Variants in CAPN11 observed in about 807,000 individuals in gnomAD.
CAPN11 encodes calpain 11.
CAPN11 carries 108 observed loss-of-function variants against 105.3 expected under a neutral mutation model. That is an observed-to-expected ratio of 1.03 (90% confidence interval 0.88 to 1.20). CAPN11 has a LOEUF of 1.20. Among genes scored for constraint, CAPN11 ranks in the 50% most tolerant of loss-of-function variants. The pLI is 0.00. For missense variants in CAPN11, 883 were observed against 924.8 expected (o/e 0.95, Z 0.59); for synonymous variants, 329 against 344.5 (o/e 0.96, Z 0.50).
intron 19 of CAPN11, 74 bp from the exon 20 acceptor site, chr6:44,182,867 C>A (rs2128319090): frequency 8.7e-7 from 1 of 1,148,128 alleles, no homozygotes; most frequent in East Asian, 2.6e-5. Context: ...AGCCACCGCG[C>A]CCGGCCTCAG....
chr6:44,165,736 T>G (rs1769707467), intron 1 of CAPN11, among the ~76,000 whole-genome samples: 1 of 152,066 alleles, frequency 6.6e-6, no homozygotes. Flanking sequence ...GTCAAAGGGA[T>G]GGGTCTGTAC....
Position 44,172,992 on chromosome 6 carries a change from C to A in CAPN11, c.581C>A (p.Thr194Lys). ...VNVVVDDRLPTKNDKLVFVHS... is the reference protein window; with the variant it reads ...VNVVVDDRLPKKNDKLVFVHS... ...GTGGTGGTAGATGACCGGCTGCCCACAAAGAATGACAAGCTGGTGTTTGTG... is the reference window on the plus strand; with the variant it reads ...GTGGTGGTAGATGACCGGCTGCCCAAAAAGAATGACAAGCTGGTGTTTGTG... Residue 194 changes from threonine to lysine, a missense_variant, in exon 6 of 23, where the codon ACA (threonine) becomes AAA (lysine). Physicochemically the swap from Thr to Lys is moderately conservative, Grantham distance 78 (BLOSUM62 -1). Coordinates refer to ENST00000398776, the MANE Select transcript of CAPN11 (RefSeq NM_007058.4). The A allele has an allele frequency of 6.2e-7, 1 of 1,613,086 alleles. No individual in the cohort carries two copies. Among genetic ancestry groups the A allele is most frequent in the Non-Finnish European group, 8.5e-7 (1 of 1,179,516 alleles).
At chr6:44,160,881 A>T (rs9394988) in intron 1 of CAPN11, among the ~76,000 whole-genome samples, 2 of 151,992 alleles carry the variant, frequency 1.3e-5, no homozygotes, top group African/African-American at 4.8e-5. Context: ...TTTATTACTT[A>T]TTATGGTTAA....
chr6:44,176,202 A>C (rs1014703089), intron 8 of CAPN11, 51 bp downstream of exon 8: 2 of 1,606,600 alleles, frequency 1.2e-6, no homozygotes, highest in African/African-American at 2.7e-5. Context: ...AAGGAGGAGA[A>C]CGTCTCCCTG....
At chr6:44,163,359 A>C (rs1362102096) in intron 1 of CAPN11, among the ~76,000 whole-genome samples, 5 of 152,194 alleles carry the variant, frequency 3.3e-5, no homozygotes, top group African/African-American at 1.2e-4. Flanking sequence ...GACTTCACAA[A>C]GACCACACAC....
At chr6:44,180,413 A>G (rs773837796) in intron 14 of CAPN11, 47 bp from the exon 15 acceptor site, 3 of 1,536,612 alleles carry the variant, frequency 2.0e-6, no homozygotes, top group Non-Finnish European at 1.8e-6. Flanking sequence ...TAAAACCCCC[A>G]CCTCCCTCCC....
intron 4 of CAPN11, 79 bp downstream of exon 4, chr6:44,170,054 G>A: frequency 9.0e-7 from 1 of 1,115,034 alleles, no homozygotes; most frequent in Non-Finnish European, 1.3e-6. Flanking sequence ...TTTGAAGCTG[G>A]GAAACAGGGA....
chr6:44,171,142 G>A (rs1770923612), intron 4 of CAPN11, among the ~76,000 whole-genome samples: 1 of 152,140 alleles, frequency 6.6e-6, no homozygotes, highest in South Asian at 2.1e-4. Context: ...CTCTCTCCAG[G>A]CAGCCAAGAG....
At chr6:44,165,819 A>C (rs1011304655) in intron 1 of CAPN11, among the ~76,000 whole-genome samples, 1 of 152,108 alleles carries the variant, frequency 6.6e-6, no homozygotes, top group Non-Finnish European at 1.5e-5. Flanking sequence ...CGATGTCCTG[A>C]AAGTTTCCAG....
Position 44,180,973 on chromosome 6 carries a change from C to T in CAPN11, c.1845C>T (p.Cys615=), listed in dbSNP as rs1467785935. Residue 615 remains cysteine (C), a synonymous_variant, in exon 18 of 23, where the codon TGC becomes TGT. Coordinates refer to ENST00000398776, the MANE Select transcript of CAPN11 (RefSeq NM_007058.4). Reference sequence around the variant, plus strand: ...CCAAGGGCTTTGGCCTGGATGCTTGCCGCTGCATGATCAACCTCATGGATG... The same window carrying T: ...CCAAGGGCTTTGGCCTGGATGCTTGTCGCTGCATGATCAACCTCATGGATG... ...FKTKGFGLDA[C]RCMINLMDKD... is the part of the protein sequence containing the mutation. 1 of 1,613,510 alleles carries T rather than the reference C, an allele frequency of 6.2e-7. No homozygotes were observed. Among genetic ancestry groups the T allele is most frequent in the Admixed American group, 1.7e-5 (1 of 59,998 alleles).
At position 44,183,700 on chromosome 6, in the gene CAPN11, C is replaced by T. The variant is rs763333079; in HGVS notation, c.2135-5C>T. The T allele has an allele frequency of 4.6e-5, 75 of 1,613,616 alleles. 2 individuals are homozygous for T. In the Admixed American group the frequency reaches 9.0e-4, roughly 19 times the overall value. Reference sequence around the variant, plus strand: ...CCCCTCTCCCCCGCTTCCTCTGTAACGCAGCATTCTTTCTAACCATGGACC... The same window carrying T: ...CCCCTCTCCCCCGCTTCCTCTGTAATGCAGCATTCTTTCTAACCATGGACC... On this transcript the variant is annotated splice_polypyrimidine_tract_variant and splice_region_variant and intron_variant, in intron 21 of 22. Coordinates refer to ENST00000398776, the MANE Select transcript of CAPN11 (RefSeq NM_007058.4).
At chr6:44,180,203 A>G in intron 14 of CAPN11, 40 bp downstream of exon 14, 2 of 1,426,788 alleles carry the variant, frequency 1.4e-6, no homozygotes, top group Non-Finnish European at 2.0e-6. Flanking sequence ...CCCGCCACCC[A>G]AGAGCTGCAG....
At chr6:44,180,558 T>G (rs1772967497) in intron 15 of CAPN11, 39 bp from the exon 16 acceptor site, 1 of 1,613,396 alleles carries the variant, frequency 6.2e-7, no homozygotes, top group Admixed American at 1.7e-5. Flanking sequence ...GTGAAAGAAG[T>G]TTTCTGACCA....
chr6:44,169,162 A>G (rs4711770), intron 2 of CAPN11, 119 bp from the exon 3 acceptor site: 768,907 of 1,179,416 alleles, frequency 0.65, 252,952 homozygotes, highest in African/African-American at 0.78. Flanking sequence ...TCAAACTCCT[A>G]GGCTGAAGAG....
At chr6:44,178,960 A>C (rs1239347574) in intron 12 of CAPN11, among the ~76,000 whole-genome samples, 1 of 152,078 alleles carries the variant, frequency 6.6e-6, no homozygotes, top group Admixed American at 6.6e-5. Flanking sequence ...AGGAAAGACT[A>C]CTGCAGCCTG....
At chr6:44,159,374 G>A (rs1025431035) in intron 1 of CAPN11, among the ~76,000 whole-genome samples, 1 of 152,128 alleles carries the variant, frequency 6.6e-6, no homozygotes, top group Non-Finnish European at 1.5e-5. Flanking sequence ...CCAGACTCCA[G>A]GAGATGGGGG....
intron 2 of CAPN11, 117 bp downstream of exon 2, chr6:44,166,946 GCGGC>G: frequency 2.0e-5 from 12 of 591,916 alleles, no homozygotes; most frequent in African/African-American, 1.9e-5. Flanking sequence ...TGTGGGGAGG[GCGGC>G]GGGGGGAGGG....
At chr6:44,182,264 A>ACACATACACACT (rs1773840793) in intron 19 of CAPN11, among the ~76,000 whole-genome samples, 20 of 75,154 alleles carry the variant, frequency 2.7e-4, no homozygotes, top group East Asian at 1.5e-3. Flanking sequence ...ACACACACAC[A>ACACATACACACT]CACATACAGA....
intron 14 of CAPN11, 94 bp downstream of exon 14, chr6:44,180,257 G>C: frequency 9.8e-7 from 1 of 1,024,832 alleles, no homozygotes; most frequent in Admixed American, 2.2e-5. Context: ...CCCTCACTTT[G>C]TCCCTATTTT....
Sources: gnomAD v4.1 joint callset for allele counts (sites outside exome capture counted in the v4.1 genomes callset) on GRCh38, gnomAD v4.1.1 for gene constraint, MANE v1.5 for transcripts, NCBI Gene and HGNC (gene_info 2026-07-23, HGNC 2026-07-21) for gene names.